Variants in ACTMAP observed in about 807,000 individuals in gnomAD.
ACTMAP encodes the protein UPF0692 protein C19orf54.
At chr19:40,745,303 G>C in the ACTMAP span, 2 of 1,127,752 alleles carry the variant, frequency 1.8e-6, no homozygotes, top group Non-Finnish European at 2.6e-6. Context: ...AAGGGAATAT[G>C]GGCCTGGCTG....
the ACTMAP span, among the ~76,000 whole-genome samples, chr19:40,748,377 A>T: frequency 1.4e-5 from 2 of 145,996 alleles, no homozygotes; most frequent in Non-Finnish European, 3.0e-5. Flanking sequence ...AAACTCCATT[A>T]AAAAAAAAAA....
At chr19:40,746,435 G>T in the ACTMAP span, among the ~76,000 whole-genome samples, 1 of 152,004 alleles carries the variant, frequency 6.6e-6, no homozygotes, top group Non-Finnish European at 1.5e-5. Context: ...GAGTGCAGTG[G>T]CCCGATCTTG....
chr19:40,750,412 C>T, the ACTMAP span: 1 of 152,166 alleles, frequency 6.6e-6, no homozygotes, highest in African/African-American at 2.4e-5. Flanking sequence ...AGATCAGAGG[C>T]CGGTGGGCGC....
At chr19:40,744,527 G>C in the ACTMAP span, 13 of 1,611,242 alleles carry the variant, frequency 8.1e-6, no homozygotes, top group Non-Finnish European at 1.0e-5. Context: ...GCCTCATGAA[G>C]AGATGATGGA....
the ACTMAP span, among the ~76,000 whole-genome samples, chr19:40,748,201 C>G: frequency 6.6e-6 from 1 of 152,060 alleles, no homozygotes; most frequent in African/African-American, 2.4e-5. Flanking sequence ...CAGTGGCTCA[C>G]GCCTGTAATC....
chr19:40,743,839 CAGG>C, the ACTMAP span: 1 of 1,577,012 alleles, frequency 6.3e-7, no homozygotes, highest in Non-Finnish European at 8.7e-7. Context: ...GTGAGAATGT[CAGG>C]AGGATTAATG....
At chr19:40,743,254 A>G in the ACTMAP span, among the ~76,000 whole-genome samples, 4 of 137,474 alleles carry the variant, frequency 2.9e-5, no homozygotes, top group East Asian at 8.5e-4. Context: ...TTTTTTTGAG[A>G]TGGAGTCTTG....
the ACTMAP span, chr19:40,742,654 C>A: frequency 1.9e-6 from 3 of 1,613,434 alleles, no homozygotes; most frequent in Non-Finnish European, 2.5e-6. Flanking sequence ...GGGGAGCCCT[C>A]CTCTGGCAGG....
chr19:40,742,278 C>G, the ACTMAP span: 1 of 792,478 alleles, frequency 1.3e-6, no homozygotes, highest in Non-Finnish European at 2.1e-6. Context: ...GAGGGACCAG[C>G]TGGTGCTCAA....
the ACTMAP span, among the ~76,000 whole-genome samples, chr19:40,746,862 A>G: frequency 6.6e-6 from 1 of 151,418 alleles, no homozygotes; most frequent in Non-Finnish European, 1.5e-5. Context: ...GCTGGAGTAC[A>G]GTGGTGCGAT....
chr19:40,742,531 C>T, the ACTMAP span: 3 of 1,570,262 alleles, frequency 1.9e-6, no homozygotes, highest in Non-Finnish European at 1.7e-6. Flanking sequence ...CCGTCAGTGG[C>T]CCGTGAGGGC....
chr19:40,749,725 G>A, the ACTMAP span: 1 of 1,510,764 alleles, frequency 6.6e-7, no homozygotes, highest in East Asian at 2.5e-5. Flanking sequence ...GGAGGAGATG[G>A]AATGCTGCTG....
At chr19:40,745,922 T>C in the ACTMAP span, among the ~76,000 whole-genome samples, 2 of 152,232 alleles carry the variant, frequency 1.3e-5, no homozygotes, top group Admixed American at 1.3e-4. Flanking sequence ...TCCACCCACC[T>C]TGGCCTCCCA....
chr19:40,745,587 C>T, the ACTMAP span, among the ~76,000 whole-genome samples: 1 of 152,220 alleles, frequency 6.6e-6, no homozygotes, highest in African/African-American at 2.4e-5. Flanking sequence ...CAGCCTCGAC[C>T]TCCCAGGGTC....
the ACTMAP span, chr19:40,743,936 C>A: frequency 6.2e-7 from 1 of 1,614,024 alleles, no homozygotes; most frequent in Non-Finnish European, 8.5e-7. Flanking sequence ...CCTTGTGGCC[C>A]TTCCTCTGAC....
the ACTMAP span, chr19:40,741,207 C>T: frequency 2.6e-6 from 1 of 390,048 alleles, no homozygotes; most frequent in Non-Finnish European, 4.5e-6. Context: ...TTTGGGAGGC[C>T]GAGGCGGGTG....
chr19:40,745,007 T>G, the ACTMAP span: 5 of 1,224,018 alleles, frequency 4.1e-6, no homozygotes, highest in Non-Finnish European at 5.9e-6. Context: ...GTTCCCCCTT[T>G]CCTTCCCTCC....
the ACTMAP span, chr19:40,744,536 G>T: frequency 6.2e-7 from 1 of 1,612,270 alleles, no homozygotes; most frequent in South Asian, 1.1e-5. Flanking sequence ...AGAGATGATG[G>T]AGCATGCAGT....
At chr19:40,749,500 GA>G in the ACTMAP span, 1 of 1,543,506 alleles carries the variant, frequency 6.5e-7, no homozygotes, top group Non-Finnish European at 8.8e-7. Context: ...TGTAGTTTCA[GA>G]AGCCTCTTCA....
Sources: allele counts gnomAD v4.1 joint callset (sites outside exome capture counted in the v4.1 genomes callset), GRCh38; gene constraint gnomAD v4.1.1; transcripts MANE v1.5; gene names NCBI Gene and HGNC (gene_info 2026-07-23, HGNC 2026-07-21).